The following GAD2 variants were observed in gnomAD, a reference collection of about 807,000 sequenced individuals.
GAD2 encodes the protein glutamate decarboxylase 2.
In GAD2, 22 loss-of-function variants were observed where a neutral mutation model predicts 80.1. That is an observed-to-expected ratio of 0.27 (90% confidence interval 0.20 to 0.39). The LOEUF is 0.39. GAD2 is among the 10% of genes least tolerant of loss of function. The probability of loss-of-function intolerance (pLI) is 1.00; values close to 1 mark genes in which losing one functional copy is unlikely to be tolerated. For missense variants in GAD2, 624 were observed against 738.4 expected, an observed-to-expected ratio of 0.85 and a Z score of 1.80; for synonymous variants, 274 against 256.9, an observed-to-expected ratio of 1.07 and a Z score of -0.64.
chr10:26,221,396 T>G (rs76059287), intron 4 of GAD2, among the ~76,000 whole-genome samples: 2,951 of 152,332 alleles, frequency 0.019, 42 homozygotes, highest in Middle Eastern at 0.034. Flanking sequence ...AAAGAAATGT[T>G]GGAACACGGA....
At chr10:26,291,672 T>A (rs554226868) in intron 13 of GAD2, among the ~76,000 whole-genome samples, 1 of 152,262 alleles carries the variant, frequency 6.6e-6, no homozygotes, top group East Asian at 1.9e-4. Context: ...CTTTTACTCT[T>A]AAGCTTTCTC....
At chr10:26,216,699 C>T, upstream of GAD2, 2 of 731,294 alleles carry the variant, frequency 2.7e-6, no homozygotes, top group Non-Finnish European at 2.1e-6. This position sits in a 1 kb window ranked among gnomAD's most constrained non-coding sequence, Gnocchi z 4.7. Flanking sequence ...CCGGTCCCCG[C>T]GCGGTGCCCT....
intron 7 of GAD2, among the ~76,000 whole-genome samples, chr10:26,238,703 C>T (rs949078860): frequency 6.6e-6 from 1 of 152,188 alleles, no homozygotes; most frequent in Non-Finnish European, 1.5e-5. Flanking sequence ...GGTCCCCTCC[C>T]CTCCAGATCA....
intron 12 of GAD2, among the ~76,000 whole-genome samples, chr10:26,284,056 A>T (rs1369218794): frequency 2.6e-5 from 4 of 152,226 alleles, no homozygotes. Flanking sequence ...GCCACTTATT[A>T]GTAAGGGTGT....
intron 7 of GAD2, among the ~76,000 whole-genome samples, chr10:26,234,026 A>T (rs1160395759): frequency 6.6e-6 from 1 of 152,048 alleles, no homozygotes; most frequent in Admixed American, 6.6e-5. Flanking sequence ...AACCAACTTT[A>T]AAAAACAACA....
intron 7 of GAD2, among the ~76,000 whole-genome samples, chr10:26,240,746 A>T (rs1314293090): frequency 2.7e-5 from 4 of 149,730 alleles, no homozygotes; most frequent in East Asian, 2.0e-4. Context: ...AAAAAAAAAA[A>T]TGTGGATGGG....
chr10:26,285,710 G>A (rs1046204074), intron 12 of GAD2, among the ~76,000 whole-genome samples: 7 of 151,886 alleles, frequency 4.6e-5, no homozygotes, highest in African/African-American at 1.5e-4. Flanking sequence ...TCTTGAGAGA[G>A]GAATATGACA....
At chr10:26,286,589 A>C in intron 13 of GAD2, 95 bp downstream of exon 13, 1 of 1,251,904 alleles carries the variant, frequency 8.0e-7, no homozygotes, top group Non-Finnish European at 1.1e-6. Flanking sequence ...TTCCAAATTG[A>C]AATTTCCTTA....
At chr10:26,218,179 C>T (rs1844405841) in intron 3 of GAD2, 188 bp downstream of exon 3, 1 of 575,728 alleles carries the variant, frequency 1.7e-6, no homozygotes, top group Non-Finnish European at 2.9e-6. Flanking sequence ...AGCCCCCGAA[C>T]CTGGCCTCGG....
intron 11 of GAD2, among the ~76,000 whole-genome samples, chr10:26,277,644 G>T (rs1415989357): frequency 6.6e-6 from 1 of 152,186 alleles, no homozygotes; most frequent in African/African-American, 2.4e-5. Context: ...AGCTGTAGTA[G>T]CAGAGAAGGA....
At chr10:26,280,039 C>G (rs957610368) in intron 11 of GAD2, among the ~76,000 whole-genome samples, 2 of 152,210 alleles carry the variant, frequency 1.3e-5, no homozygotes, top group African/African-American at 4.8e-5. Flanking sequence ...GGCAGCTGCC[C>G]TCACTGGCCA....
intron 4 of GAD2, among the ~76,000 whole-genome samples, chr10:26,219,682 G>A (rs999470319): frequency 6.6e-6 from 1 of 152,132 alleles, no homozygotes; most frequent in African/African-American, 2.4e-5. Context: ...GTGCTGTGCT[G>A]GTATTTTCTT....
At chr10:26,241,269 T>C (rs998094827) in intron 7 of GAD2, among the ~76,000 whole-genome samples, 2 of 152,224 alleles carry the variant, frequency 1.3e-5, no homozygotes, top group Non-Finnish European at 2.9e-5. Flanking sequence ...TCCCAAGCCA[T>C]TTTATTAATG....
At chr10:26,248,810 G>GAA (rs149570302) in intron 8 of GAD2, among the ~76,000 whole-genome samples, 2 of 150,524 alleles carry the variant, frequency 1.3e-5, no homozygotes, top group Non-Finnish European at 3.0e-5. Flanking sequence ...TTTGCAATCA[G>GAA]AAAAAAAAAT....
chr10:26,219,763 T>C (rs1844430507), intron 4 of GAD2, among the ~76,000 whole-genome samples: 1 of 152,238 alleles, frequency 6.6e-6, no homozygotes, highest in Admixed American at 6.5e-5. Context: ...GTTTTCACAT[T>C]GTGTCAAATG....
At position 26,250,580 on chromosome 10, in the gene GAD2, GGT is replaced by G. The variant is rs1159814097; in HGVS notation, c.920+4582_920+4583del. Among the ~76,000 whole-genome samples, 3 of 151,878 alleles carry G rather than the reference GGT, an allele frequency of 2.0e-5. No homozygotes were observed. In the East Asian group the frequency reaches 5.8e-4, roughly 29 times the overall value. ...AGAGCAAACAGAGTAAGAAATAAAAGGTGGGAAAAAATAAGGCCTACGAGAAA... is the reference window on the plus strand; with the variant it reads ...AGAGCAAACAGAGTAAGAAATAAAAGGGGAAAAAATAAGGCCTACGAGAAA... On this transcript the variant is annotated intron_variant, in intron 8 of 15. Transcript: ENST00000376261.
intron 10 of GAD2, among the ~76,000 whole-genome samples, chr10:26,272,613 C>T (rs1392640833): frequency 3.3e-5 from 5 of 152,200 alleles, no homozygotes; most frequent in Non-Finnish European, 7.4e-5. Context: ...CCTGTAATCC[C>T]AGCACTTTGG....
intron 7 of GAD2, among the ~76,000 whole-genome samples, chr10:26,242,059 C>A (rs1844749626): frequency 6.6e-6 from 1 of 152,140 alleles, no homozygotes; most frequent in Non-Finnish European, 1.5e-5. Context: ...TGGCTCACTG[C>A]AAGCCAAGCT....
intron 8 of GAD2, among the ~76,000 whole-genome samples, chr10:26,267,889 T>C (rs536643172): frequency 1.3e-5 from 2 of 152,310 alleles, no homozygotes; most frequent in South Asian, 2.1e-4. Flanking sequence ...TATTTCAATA[T>C]GTAAAAGCCT....
Sources: allele counts gnomAD v4.1 joint callset (sites outside exome capture counted in the v4.1 genomes callset), GRCh38; gene constraint gnomAD v4.1.1; non-coding constraint Gnocchi (gnomAD v3.1); transcripts MANE v1.5; gene names NCBI Gene and HGNC (gene_info 2026-07-23, HGNC 2026-07-21).